The following CDC5L variants were observed in gnomAD, a reference collection of about 807,000 sequenced individuals.
CDC5L encodes cell division cycle 5 like, also known as cell division cycle 5-like protein.
CDC5L carries 18 observed loss-of-function variants against 104.1 expected under a neutral mutation model. That is an observed-to-expected ratio of 0.17 (90% CI 0.12 to 0.26). CDC5L has a LOEUF of 0.26. CDC5L is among the 10% of genes least tolerant of loss of function. The probability of loss-of-function intolerance (pLI) is 1.00; values close to 1 mark genes in which losing one functional copy is unlikely to be tolerated. For synonymous variants in CDC5L, 331 were observed against 322.7 expected, an observed-to-expected ratio of 1.03 and a Z score of -0.28; for missense variants, 673 against 956.9, an observed-to-expected ratio of 0.70 and a Z score of 3.91.
chr6:44,414,441 T>C (rs1561973353), intron 8 of CDC5L, among the ~76,000 whole-genome samples: 1 of 150,978 alleles, frequency 6.6e-6, no homozygotes, highest in Non-Finnish European at 1.5e-5. Context: ...TATTTTTTTT[T>C]AGAAATAGCT....
At chr6:44,397,327 A>G (rs570339515) in intron 5 of CDC5L, among the ~76,000 whole-genome samples, 1 of 152,262 alleles carries the variant, frequency 6.6e-6, no homozygotes, top group Non-Finnish European at 1.5e-5. Context: ...TTCAATAATT[A>G]GTCTAGGCAT....
intron 10 of CDC5L, 53 bp downstream of exon 10, chr6:44,422,862 G>T: frequency 1.6e-6 from 2 of 1,262,538 alleles, no homozygotes. Flanking sequence ...ATATCTCATG[G>T]ATGCCAAATT....
chr6:44,435,657 C>G (rs1334203552), intron 14 of CDC5L: 2 of 153,266 alleles, frequency 1.3e-5, no homozygotes, highest in Non-Finnish European at 2.9e-5. Flanking sequence ...TGCATGGCAT[C>G]GTCCCCTGGT....
intron 13 of CDC5L, among the ~76,000 whole-genome samples, chr6:44,429,388 A>G (rs2153382259): frequency 6.6e-6 from 1 of 152,264 alleles, no homozygotes; most frequent in Middle Eastern, 3.4e-3. Flanking sequence ...CTTTGGATAT[A>G]ATGTAGGTAA....
At chr6:44,439,190 T>C (rs1015291232) in intron 14 of CDC5L, among the ~76,000 whole-genome samples, 2 of 152,252 alleles carry the variant, frequency 1.3e-5, no homozygotes, top group Non-Finnish European at 1.5e-5. Flanking sequence ...TATTAGTATT[T>C]GTTTTTATGG....
At chr6:44,442,053 C>T (rs1793220682) in intron 14 of CDC5L, among the ~76,000 whole-genome samples, 1 of 150,778 alleles carries the variant, frequency 6.6e-6, no homozygotes, top group Admixed American at 6.6e-5. Flanking sequence ...TCTGCTGCCT[C>T]AGCCTCCCGA....
chr6:44,445,249 T>C (rs1210638516), intron 14 of CDC5L, among the ~76,000 whole-genome samples: 1 of 152,028 alleles, frequency 6.6e-6, no homozygotes, highest in Non-Finnish European at 1.5e-5. Context: ...AGTTGGGGTC[T>C]TGATGTGTGA....
chr6:44,390,446 CCTTAT>C, intron 2 of CDC5L, 75 bp downstream of exon 2: 1 of 929,684 alleles, frequency 1.1e-6, no homozygotes. Context: ...ACTCTGTGAA[CCTTAT>C]CAAAGAAAGC....
intron 13 of CDC5L, among the ~76,000 whole-genome samples, chr6:44,428,263 G>T (rs1291567396): frequency 1.3e-5 from 2 of 151,836 alleles, no homozygotes; most frequent in African/African-American, 4.8e-5. Context: ...TTCCCTTAAG[G>T]TATTAAGTGT....
intron 1 of CDC5L, 80 bp from the exon 2 acceptor site, chr6:44,390,188 C>T: frequency 3.7e-6 from 3 of 805,102 alleles, no homozygotes; most frequent in South Asian, 1.5e-5. Flanking sequence ...CTCCAATAGC[C>T]CTATCAGAGT....
At chr6:44,429,015 CTTTTT>C (rs922435895) in intron 13 of CDC5L, among the ~76,000 whole-genome samples, 1,561 of 95,568 alleles carry the variant, frequency 0.016, 23 homozygotes, top group African/African-American at 0.066. Context: ...GTTTCATTAG[CTTTTT>C]TTTTTTTTTT....
At chr6:44,388,795 T>G (rs1356085810) in intron 1 of CDC5L, among the ~76,000 whole-genome samples, 2 of 152,044 alleles carry the variant, frequency 1.3e-5, no homozygotes, top group Admixed American at 1.3e-4. Context: ...GCACCCCCGA[T>G]ATTCTCATGA....
chr6:44,443,645 A>G (rs58425150), intron 14 of CDC5L, among the ~76,000 whole-genome samples: 1,727 of 149,858 alleles, frequency 0.012, 18 homozygotes, highest in Middle Eastern at 0.054. Flanking sequence ...TGAATTTTTC[A>G]GTTCAGTTTT....
At chr6:44,406,248 G>C (rs1791359780) in intron 6 of CDC5L, 75 bp from the exon 7 acceptor site, 1 of 1,101,068 alleles carries the variant, frequency 9.1e-7, no homozygotes, top group South Asian at 1.5e-5. Flanking sequence ...CAAAGGGTTT[G>C]AGTATTTGTA....
intron 11 of CDC5L, 50 bp from the exon 12 acceptor site, chr6:44,426,053 A>G (rs1204388943): frequency 3.2e-6 from 4 of 1,237,726 alleles, no homozygotes; most frequent in Non-Finnish European, 4.6e-6. Flanking sequence ...TTACTGAGAG[A>G]TATCAAATAC....
At position 44,408,627 on chromosome 6, in the gene CDC5L, C is replaced by A. The variant is rs1239672861; in HGVS notation, c.1087C>A (p.Leu363Met). Reference sequence around the variant, plus strand: ...AACACCAGCTTCCCAGGACAGAATTCTGCAGGTAACGTGTCACGTAGTAGA... The same window carrying A: ...AACACCAGCTTCCCAGGACAGAATTATGCAGGTAACGTGTCACGTAGTAGA... ...PRTPASQDRI[L>M]QEAQNLMALT... Residue 363 changes from leucine (L) to methionine (M), a missense_variant, in exon 8 of 16, where the codon CTG (leucine) becomes ATG (methionine). By Grantham distance (15) the Leu-to-Met change is conservative. Around this residue, in one of 4 missense-constraint regions of CDC5L, gnomAD observed 578 missense variants for 737.0 expected, o/e 0.78. Coordinates refer to ENST00000371477, the MANE Select transcript of CDC5L (RefSeq NM_001253.4). The A allele has an allele frequency of 6.3e-7, 1 of 1,593,964 alleles. No homozygotes were observed. Among genetic ancestry groups the A allele is most frequent in the Admixed American group, 1.7e-5 (1 of 58,300 alleles).
chr6:44,387,732 G>A lies in CDC5L; in HGVS notation c.-92G>A. ...TTCAAAGCAGAAGGTCGCGCTTGGAGGAAGTGGCGGCTTTGAGTCCGGTGG... is the reference window on the plus strand; with the variant it reads ...TTCAAAGCAGAAGGTCGCGCTTGGAAGAAGTGGCGGCTTTGAGTCCGGTGG... On this transcript the variant is annotated 5_prime_UTR_variant, in exon 1 of 16. Coordinates refer to ENST00000371477, the MANE Select transcript of CDC5L (RefSeq NM_001253.4). 2.6e-6 allele frequency: 3 copies of A among 1,138,144 alleles called. No individual in the cohort carries two copies. The highest frequency in any genetic ancestry group is 2.6e-6 in the Non-Finnish European group (2 of 774,174). The allele number at this position is 1,138,144 out of a possible 1,614,324, so 70.5% of individuals were successfully genotyped here.
intron 6 of CDC5L, 117 bp downstream of exon 6, chr6:44,404,144 T>A (rs1791256409): frequency 6.0e-6 from 4 of 667,386 alleles, no homozygotes; most frequent in Non-Finnish European, 9.0e-6. Flanking sequence ...TTACATTTTT[T>A]AAAATCAATT....
intron 4 of CDC5L, among the ~76,000 whole-genome samples, chr6:44,394,963 C>T (rs11571924): frequency 2.7e-5 from 4 of 150,118 alleles, no homozygotes; most frequent in Admixed American, 2.0e-4. Context: ...ATGTCATTTG[C>T]AGCAACATGG....
Sources: gnomAD v4.1 joint callset for allele counts (sites outside exome capture counted in the v4.1 genomes callset) on GRCh38, gnomAD v4.1.1 for gene constraint, gnomAD v4.1.1 regional missense constraint, MANE v1.5 for transcripts, NCBI Gene and HGNC (gene_info 2026-07-23, HGNC 2026-07-21) for gene names.